The following FUT9 variants were observed in gnomAD, a reference collection of about 807,000 sequenced individuals.
FUT9 encodes 4-galactosyl-N-acetylglucosaminide 3-alpha-L-fucosyltransferase 9.
Under a neutral mutation model 29.7 loss-of-function variants are expected in FUT9, and 15 were observed. The observed-to-expected ratio is 0.51, with a 90% CI of 0.34 to 0.78. The LOEUF (loss-of-function observed/expected upper bound fraction) is 0.78. Ranked by LOEUF, FUT9 falls within the 30% of genes least tolerant of loss-of-function variation. The pLI is 0.01. For synonymous variants in FUT9, 169 were observed against 153.7 expected, an observed-to-expected ratio of 1.10 and a Z score of -0.74; for missense variants, 319 against 425.4, an observed-to-expected ratio of 0.75 and a Z score of 2.20.
intron 2 of FUT9, among the ~76,000 whole-genome samples, chr6:96,192,364 C>CA (rs555899683): frequency 1.7e-3 from 263 of 152,230 alleles, no homozygotes; most frequent in African/African-American, 5.8e-3. Context: ...TCTCAGGATA[C>CA]AAAATCAATG....
At chr6:96,200,741 T>C (rs1290960295) in intron 2 of FUT9, among the ~76,000 whole-genome samples, 2 of 152,092 alleles carry the variant, frequency 1.3e-5, no homozygotes, top group Non-Finnish European at 2.9e-5. Flanking sequence ...AGTCAAATCA[T>C]TCATATTAAA....
At chr6:96,188,803 G>C (rs1773451833) in intron 2 of FUT9, among the ~76,000 whole-genome samples, 1 of 151,662 alleles carries the variant, frequency 6.6e-6, no homozygotes, top group Non-Finnish European at 1.5e-5. Flanking sequence ...TTAGTCTGGT[G>C]GTTTAAACAT....
chr6:96,079,901 G>T (rs542785617), intron 1 of FUT9, among the ~76,000 whole-genome samples: 1 of 151,684 alleles, frequency 6.6e-6, no homozygotes, highest in South Asian at 2.1e-4. Context: ...GTTTACTAGG[G>T]GAAAATAAAA....
chr6:96,110,330 C>G (rs899909186), intron 1 of FUT9, among the ~76,000 whole-genome samples: 1 of 152,132 alleles, frequency 6.6e-6, no homozygotes, highest in African/African-American at 2.4e-5. Context: ...GCCCATTTAT[C>G]CCCCTCAACT....
chr6:96,133,639 T>G (rs772432104), intron 2 of FUT9, among the ~76,000 whole-genome samples: 20 of 152,016 alleles, frequency 1.3e-4, no homozygotes, highest in South Asian at 6.2e-4. Context: ...AATTCATACA[T>G]TGAACTTACT....
At chr6:96,199,432 A>G (rs746151933) in intron 2 of FUT9, among the ~76,000 whole-genome samples, 6 of 152,120 alleles carry the variant, frequency 3.9e-5, no homozygotes, top group Non-Finnish European at 8.8e-5. Context: ...GGGGGTGAGC[A>G]GAGAGTTAAG....
chr6:96,138,732 T>G (rs1269830997), intron 2 of FUT9, among the ~76,000 whole-genome samples: 3 of 152,204 alleles, frequency 2.0e-5, no homozygotes, highest in Non-Finnish European at 2.9e-5. Context: ...CTAACTCTTA[T>G]GTCACTTGTC....
chr6:96,211,835 T>A lies in FUT9; in HGVS notation c.*7600T>A, dbSNP rs1386980769. Reference sequence around the variant, plus strand: ...GTGTTCCTTTAAAGAGTATTAGAAATGTCTGTTATGTCAGTAACATTAGAA... The same window carrying A: ...GTGTTCCTTTAAAGAGTATTAGAAAAGTCTGTTATGTCAGTAACATTAGAA... On this transcript the variant is annotated 3_prime_UTR_variant, in exon 3 of 3. Coordinates refer to ENST00000302103, the MANE Select transcript of FUT9 (RefSeq NM_006581.4). 2 of 351,960 alleles carry A rather than the reference T, an allele frequency of 5.7e-6. No homozygotes were observed. The highest frequency in any genetic ancestry group is 1.1e-5 in the Non-Finnish European group (2 of 188,908). The allele number at this position is 351,960 out of a possible 1,614,324, so 21.8% of individuals were successfully genotyped here. A position where few individuals can be genotyped will look rare whatever the true frequency, so the allele number is the denominator to read the frequency against.
chr6:96,081,294 T>TTTTTTTTTTTTTTTTTTTTTTTTTTTGAG (rs1297573283), intron 1 of FUT9, among the ~76,000 whole-genome samples: 1 of 151,856 alleles, frequency 6.6e-6, no homozygotes, highest in African/African-American at 2.4e-5. Flanking sequence ...TCTTACTTTT[T>TTTTTTTTTTTTTTTTTTTTTTTTTTTGAG]AAAAAGTATT....
At position 96,212,804 on chromosome 6, in the gene FUT9, G is replaced by GT. The variant is rs1773963301; in HGVS notation, c.*8570dup. ...AATGGAAAAAGTAAGGAGCTAACAA[G>GT]TCTGTACCTAGATTCAAGTTCACAA... is the stretch of plus-strand genomic sequence containing the variant. On this transcript the variant is annotated 3_prime_UTR_variant, in exon 3 of 3. Coordinates refer to ENST00000302103, the MANE Select transcript of FUT9 (RefSeq NM_006581.4). The GT allele has an allele frequency of 6.0e-6, 1 of 167,138 alleles. No individual in the cohort carries two copies. The highest frequency in any genetic ancestry group is 1.5e-5 in the Non-Finnish European group (1 of 68,260). The allele number at this position is 167,138 out of a possible 1,614,324, so 10.4% of individuals were successfully genotyped here.
intron 1 of FUT9, among the ~76,000 whole-genome samples, chr6:96,068,464 G>A (rs982831956): frequency 2.0e-5 from 3 of 152,166 alleles, no homozygotes; most frequent in African/African-American, 7.2e-5. Context: ...ATAATAGTAT[G>A]ACTCAGCCTA....
chr6:96,042,387 A>G (rs928587521), intron 1 of FUT9, among the ~76,000 whole-genome samples: 6 of 152,170 alleles, frequency 3.9e-5, no homozygotes, highest in African/African-American at 1.4e-4. Flanking sequence ...CAGTTTTTCA[A>G]TTTTATTATT....
At chr6:96,111,290 G>T (rs1414716637) in intron 1 of FUT9, among the ~76,000 whole-genome samples, 1 of 152,050 alleles carries the variant, frequency 6.6e-6, no homozygotes, top group Non-Finnish European at 1.5e-5. Flanking sequence ...CCTTATCATT[G>T]TAGGCAGAAA....
chr6:96,128,960 A>G (rs1772182449), intron 2 of FUT9, among the ~76,000 whole-genome samples: 1 of 151,914 alleles, frequency 6.6e-6, no homozygotes, highest in South Asian at 2.1e-4. Context: ...CATCTCCACA[A>G]AAAAATACAA....
chr6:96,081,817 C>T (rs951525298), intron 1 of FUT9, among the ~76,000 whole-genome samples: 1 of 151,898 alleles, frequency 6.6e-6, no homozygotes, highest in South Asian at 2.1e-4. Flanking sequence ...TCTCCATTCC[C>T]TCACCAATAC....
intron 2 of FUT9, among the ~76,000 whole-genome samples, chr6:96,118,892 A>G (rs1186182015): frequency 6.6e-6 from 1 of 152,192 alleles, no homozygotes; most frequent in Non-Finnish European, 1.5e-5. Context: ...AAAAACAAAA[A>G]TATTTAAAAA....
Position 96,092,939 on chromosome 6 carries a change from T to G in FUT9, c.-97-21100T>G, listed in dbSNP as rs5021862. Among the ~76,000 whole-genome samples, 363 of 152,042 alleles carry G rather than the reference T, an allele frequency of 2.4e-3. 1 individual carries two copies. Among genetic ancestry groups the G allele is most frequent in the African/African-American group, 8.6e-3 (355 of 41,444 alleles). On this transcript the variant is annotated intron_variant, in intron 1 of 2. Coordinates refer to ENST00000302103, the MANE Select transcript of FUT9 (RefSeq NM_006581.4). ...CCATGCCTGGCTAATTAAAAAATTT[T>G]AAAAAAATCATAGAGACAGAGTCTT...
chr6:96,141,228 T>G (rs1772456647), intron 2 of FUT9, among the ~76,000 whole-genome samples: 1 of 152,212 alleles, frequency 6.6e-6, no homozygotes, highest in African/African-American at 2.4e-5. Context: ...AATATTAATC[T>G]TAATGATAAA....
At chr6:96,196,247 A>C (rs1773622444) in intron 2 of FUT9, among the ~76,000 whole-genome samples, 2 of 152,200 alleles carry the variant, frequency 1.3e-5, no homozygotes. Flanking sequence ...TAATTTAAAA[A>C]TTAATAACAG....
Sources: gnomAD v4.1 joint callset for allele counts (sites outside exome capture counted in the v4.1 genomes callset) on GRCh38, gnomAD v4.1.1 for gene constraint, MANE v1.5 for transcripts, NCBI Gene and HGNC (gene_info 2026-07-23, HGNC 2026-07-21) for gene names.